The following FOCAD variants were observed in gnomAD, a reference collection of about 807,000 sequenced individuals.
The protein encoded by FOCAD is focadhesin, also known as KIAA1797.
FOCAD carries 198 observed loss-of-function variants against 225.6 expected under a neutral mutation model. That is an observed-to-expected ratio of 0.88 (90% CI 0.78 to 0.99). The LOEUF is 0.99. Ranked by LOEUF, FOCAD falls within the 50% of genes least tolerant of loss-of-function variation. FOCAD has a pLI of 0.00. For missense variants in FOCAD, 2,713 were observed against 2,123.6 expected (o/e 1.28, Z -5.46); for synonymous variants, 897 against 755.0 (o/e 1.19, Z -3.08).
intron 28 of FOCAD, among the ~76,000 whole-genome samples, chr9:20,938,833 A>G (rs1836309267): frequency 6.6e-6 from 1 of 152,160 alleles, no homozygotes; most frequent in African/African-American, 2.4e-5. Context: ...CATATTTATT[A>G]CAAATATTTT....
At chr9:20,956,425 T>C (rs1838143239) in intron 35 of FOCAD, among the ~76,000 whole-genome samples, 1 of 152,128 alleles carries the variant, frequency 6.6e-6, no homozygotes, top group South Asian at 2.1e-4. Flanking sequence ...TAGAAGAAAA[T>C]AAGACAATCC....
chr9:20,757,768 G>C (rs1271169967), intron 5 of FOCAD, among the ~76,000 whole-genome samples: 3 of 152,108 alleles, frequency 2.0e-5, no homozygotes, highest in Non-Finnish European at 4.4e-5. Context: ...TCAAGGGGAT[G>C]GATATGAGAG....
chr9:20,927,613 T>A (rs981610827), intron 26 of FOCAD, among the ~76,000 whole-genome samples: 3 of 152,292 alleles, frequency 2.0e-5, no homozygotes, highest in Non-Finnish European at 4.4e-5. Flanking sequence ...AACACTTTTT[T>A]GTTTTGGTTT....
At chr9:20,887,442 C>T (rs1300123766) in intron 21 of FOCAD, among the ~76,000 whole-genome samples, 3 of 152,064 alleles carry the variant, frequency 2.0e-5, no homozygotes, top group Non-Finnish European at 2.9e-5. Context: ...ACCATGTTGG[C>T]CAGGCTGATC....
At chr9:20,812,384 T>C (rs923739214) in intron 11 of FOCAD, among the ~76,000 whole-genome samples, 4 of 152,058 alleles carry the variant, frequency 2.6e-5, no homozygotes, top group African/African-American at 9.7e-5. Flanking sequence ...AACAAAGCCC[T>C]TTTTTATTTC....
Position 20,740,195 on chromosome 9 carries a change from CT to C in FOCAD, c.288-36del, listed in dbSNP as rs765075660. The C allele has an allele frequency of 3.2e-5, 41 of 1,277,656 alleles. No individual in the cohort carries two copies. In the South Asian group the frequency reaches 5.0e-4, roughly 16 times the overall value. The allele number at this position is 1,277,656 out of a possible 1,614,324, so 79.1% of individuals were successfully genotyped here. A position where few individuals can be genotyped will look rare whatever the true frequency, so the allele number is the denominator to read the frequency against. On this transcript the variant is annotated intron_variant, in intron 4 of 43. Coordinates refer to ENST00000338382, the MANE Select transcript of FOCAD (RefSeq NM_001375567.1). ...ATTAAGCACCTGATTAGAATATTCACTTTTTATCTATAACATTTAACATGCT... is the reference window on the plus strand; with the variant it reads ...ATTAAGCACCTGATTAGAATATTCACTTTTATCTATAACATTTAACATGCT...
intron 5 of FOCAD, among the ~76,000 whole-genome samples, chr9:20,742,201 A>G (rs1038820982): frequency 2.2e-4 from 34 of 152,208 alleles, no homozygotes; most frequent in African/African-American, 7.0e-4. Context: ...GTGCTTAAAA[A>G]GAGACAAACA....
At chr9:20,933,560 CGTGTGTGTGT>C in intron 28 of FOCAD, among the ~76,000 whole-genome samples, 1 of 151,040 alleles carries the variant, frequency 6.6e-6, no homozygotes, top group South Asian at 2.1e-4. Flanking sequence ...AGTATTCCAT[CGTGTGTGTGT>C]ATGTGTGTGT....
In FOCAD at chr9:20,764,922, G is replaced by A; in HGVS notation, c.548G>A (p.Cys183Tyr). The change falls in exon 7 of 44, where the codon TGT becomes TAT. Residue 183 changes from cysteine to tyrosine, a missense_variant. Cys to Tyr is a radical substitution (Grantham distance 194, BLOSUM62 -2). Coordinates refer to ENST00000338382, the MANE Select transcript of FOCAD (RefSeq NM_001375567.1). ...GCACCATTTCTGTGGTATCTGTATTGTGAACCATCTCAGTTACAAGAATAT... is the reference window on the plus strand; with the variant it reads ...GCACCATTTCTGTGGTATCTGTATTATGAACCATCTCAGTTACAAGAATAT... Reference protein sequence around the residue: ...IMAPFLWYLYCEPSQLQEYAK... With the variant: ...IMAPFLWYLYYEPSQLQEYAK... The A allele has an allele frequency of 5.0e-6, 8 of 1,614,084 alleles. No individual in the cohort carries two copies. Among genetic ancestry groups the A allele is most frequent in the Non-Finnish European group, 5.9e-6 (7 of 1,180,002 alleles).
chr9:20,893,653 G>T (rs1269495363), intron 21 of FOCAD, among the ~76,000 whole-genome samples: 1 of 152,018 alleles, frequency 6.6e-6, no homozygotes, highest in Non-Finnish European at 1.5e-5. Context: ...ATGGCTAAAA[G>T]AACTTTATTT....
At chr9:20,667,905 CAG>C (rs1319341165) in intron 2 of FOCAD, among the ~76,000 whole-genome samples, 1 of 152,004 alleles carries the variant, frequency 6.6e-6, no homozygotes, top group Non-Finnish European at 1.5e-5. Context: ...GTGTAGATAA[CAG>C]AAGTGGAGTT....
chr9:20,944,299 G>A (rs1368944449), intron 28 of FOCAD, among the ~76,000 whole-genome samples: 1 of 152,142 alleles, frequency 6.6e-6, no homozygotes, highest in Non-Finnish European at 1.5e-5. Flanking sequence ...CAGCATTTCT[G>A]TAAGGGCACA....
chr9:20,831,157 C>G (rs148672873), intron 15 of FOCAD, among the ~76,000 whole-genome samples: 4 of 151,976 alleles, frequency 2.6e-5, no homozygotes, highest in Non-Finnish European at 4.4e-5. Context: ...TTTAAGTATA[C>G]AAGGGATCCT....
At chr9:20,927,224 A>G (rs1396395551) in intron 26 of FOCAD, among the ~76,000 whole-genome samples, 3 of 151,972 alleles carry the variant, frequency 2.0e-5, no homozygotes, top group South Asian at 2.1e-4. Context: ...GATTTTTTTC[A>G]TTTCAGATTG....
intron 30 of FOCAD, 63 bp from the exon 31 acceptor site, chr9:20,948,208 A>G (rs1837363401): frequency 2.8e-6 from 4 of 1,452,966 alleles, no homozygotes; most frequent in Middle Eastern, 1.8e-4. Context: ...CTATTTATAA[A>G]CATTCTAAAT....
chr9:20,866,917 T>TTTTTTTTTTTTTTTAAA lies in FOCAD; in HGVS notation c.2107-12_2107-11insTTTTTTTTTTTTTTAAA. The TTTTTTTTTTTTTTTAAA allele has an allele frequency of 6.5e-6, 5 of 764,970 alleles. No individual in the cohort carries two copies. The highest frequency in any genetic ancestry group is 2.0e-5 in the African/African-American group (1 of 48,872). The allele number at this position is 764,970 out of a possible 1,614,324, so 47.4% of individuals were successfully genotyped here. ...TTTTTTTTTTTTTTTTTTTTTTTTT[T>TTTTTTTTTTTTTTTAAA]ACCCTATCTAGGACCCAATTGTAGC... On this transcript the variant is annotated splice_polypyrimidine_tract_variant and intron_variant, in intron 17 of 43. Coordinates refer to ENST00000338382, the MANE Select transcript of FOCAD (RefSeq NM_001375567.1).
At chr9:20,728,052 C>T (rs1319013579) in intron 4 of FOCAD, among the ~76,000 whole-genome samples, 1 of 152,204 alleles carries the variant, frequency 6.6e-6, no homozygotes, top group African/African-American at 2.4e-5. Context: ...TTCATATACA[C>T]AGTAGTAATT....
chr9:20,727,923 A>G (rs1826343741), intron 4 of FOCAD, among the ~76,000 whole-genome samples: 1 of 152,184 alleles, frequency 6.6e-6, no homozygotes, highest in East Asian at 1.9e-4. Context: ...CATGTTTGGT[A>G]TATTTTGAAA....
intron 19 of FOCAD, among the ~76,000 whole-genome samples, chr9:20,876,766 A>G (rs567815674): frequency 6.6e-6 from 1 of 152,296 alleles, no homozygotes; most frequent in Admixed American, 6.5e-5. Flanking sequence ...CCTTAGGAAT[A>G]TATACCCTAA....
Sources: gnomAD v4.1 joint callset for allele counts (sites outside exome capture counted in the v4.1 genomes callset) on GRCh38, gnomAD v4.1.1 for gene constraint, MANE v1.5 for transcripts, NCBI Gene and HGNC (gene_info 2026-07-23, HGNC 2026-07-21) for gene names.